Variants in PDS5B observed in about 807,000 individuals in gnomAD.
The protein encoded by PDS5B is PDS5 cohesin associated factor B, also known as sister chromatid cohesion protein PDS5 homolog B.
In PDS5B, 51 loss-of-function variants were observed where a neutral mutation model predicts 184.1. That is an observed-to-expected ratio of 0.28 (90% CI 0.22 to 0.35). The LOEUF (loss-of-function observed/expected upper bound fraction) is 0.35. Among genes scored for constraint, PDS5B ranks in the 10% least tolerant of loss-of-function variants. PDS5B has a pLI of 1.00. For missense variants in PDS5B, 1,180 were observed against 1,723.3 expected (o/e 0.68, Z 5.58); for synonymous variants, 566 against 569.2 (o/e 0.99, Z 0.08).
intron 10 of PDS5B, 62 bp downstream of exon 10, chr13:32,678,991 C>A: frequency 2.3e-6 from 2 of 880,216 alleles, no homozygotes; most frequent in South Asian, 1.6e-5. Context: ...AAATAAGTTT[C>A]ATAGGGGGAA....
intron 31 of PDS5B, 84 bp downstream of exon 31, chr13:32,764,678 A>G: frequency 9.1e-6 from 6 of 655,898 alleles, no homozygotes; most frequent in Non-Finnish European, 1.2e-5. Context: ...TAACATGACT[A>G]TCAAATTTAC....
In PDS5B at chr13:32,651,993, C is replaced by T; in HGVS notation, c.298C>T (p.Pro100Ser). The T allele has an allele frequency of 6.2e-7, 1 of 1,609,974 alleles. No individual in the cohort carries two copies. The highest frequency in any genetic ancestry group is 8.5e-7 in the Non-Finnish European group (1 of 1,176,400). Reference protein sequence around the residue: ...IYAPEAPYTSPDKLKDIFMFI... With the variant: ...IYAPEAPYTSSDKLKDIFMFI... Reference sequence around the variant, plus strand: ...TGCTCCTGAAGCTCCTTACACATCCCCTGATAAACTAAAGGCAAGTACTGA... The same window carrying T: ...TGCTCCTGAAGCTCCTTACACATCCTCTGATAAACTAAAGGCAAGTACTGA... Residue 100 changes from proline (P) to serine (S), a missense_variant, in exon 3 of 35, where the codon CCT (proline) becomes TCT (serine). Coordinates refer to ENST00000315596, the MANE Select transcript of PDS5B (RefSeq NM_015032.4).
At chr13:32,741,709 G>C (rs913141584) in intron 22 of PDS5B, among the ~76,000 whole-genome samples, 3 of 149,830 alleles carry the variant, frequency 2.0e-5, no homozygotes, top group Admixed American at 6.6e-5. Context: ...CTGTGTGTGT[G>C]TGTGTGTGTG....
chr13:32,719,535 A>AC, intron 19 of PDS5B, among the ~76,000 whole-genome samples: 1 of 150,888 alleles, frequency 6.6e-6, no homozygotes, highest in South Asian at 2.1e-4. Context: ...TCTATGTGTT[A>AC]CCCCCCACTC....
chr13:32,685,108 C>T (rs1013318987), intron 11 of PDS5B, among the ~76,000 whole-genome samples: 8 of 152,042 alleles, frequency 5.3e-5, no homozygotes, highest in African/African-American at 1.4e-4. Flanking sequence ...AGTGAGACTC[C>T]GTCTCAAAAA....
At chr13:32,725,295 G>T (rs375353408) in intron 19 of PDS5B, among the ~76,000 whole-genome samples, 1 of 152,166 alleles carries the variant, frequency 6.6e-6, no homozygotes, top group Non-Finnish European at 1.5e-5. Flanking sequence ...ACGCATATTT[G>T]TGTTTCAGTC....
intron 34 of PDS5B, among the ~76,000 whole-genome samples, chr13:32,773,816 T>G (rs1339043347): frequency 1.3e-5 from 2 of 152,198 alleles, no homozygotes; most frequent in Non-Finnish European, 2.9e-5. Context: ...ACTTTTTTGT[T>G]TTTGAGACAG....
At chr13:32,592,405 G>A (rs2057791369) in intron 1 of PDS5B, among the ~76,000 whole-genome samples, 1 of 151,956 alleles carries the variant, frequency 6.6e-6, no homozygotes, top group South Asian at 2.1e-4. Flanking sequence ...ACAGGTGCAC[G>A]CCACCACGTC....
intron 3 of PDS5B, among the ~76,000 whole-genome samples, chr13:32,655,359 C>CATATATATATATATGTGTATATAT (rs1555296312): frequency 2.5e-5 from 1 of 39,614 alleles, no homozygotes; most frequent in Non-Finnish European, 3.9e-5. Context: ...TGTTCTTTGC[C>CATATATATATATATGTGTATATAT]ATATATATAT....
At chr13:32,608,920 G>T (rs1593255736) in intron 1 of PDS5B, among the ~76,000 whole-genome samples, 1 of 152,244 alleles carries the variant, frequency 6.6e-6, no homozygotes, top group East Asian at 1.9e-4. Flanking sequence ...CACAAATGTG[G>T]CTACTGCTTC....
intron 1 of PDS5B, among the ~76,000 whole-genome samples, chr13:32,617,975 A>C (rs2058242830): frequency 6.6e-6 from 1 of 152,202 alleles, no homozygotes; most frequent in Non-Finnish European, 1.5e-5. Flanking sequence ...AGATGAAGGC[A>C]CTAGCAGGTT....
At position 32,773,185 on chromosome 13, in the gene PDS5B, C is replaced by A; in HGVS notation, c.4173-4C>A. On this transcript the variant is annotated splice_region_variant and splice_polypyrimidine_tract_variant and intron_variant, in intron 33 of 34. Coordinates refer to ENST00000315596, the MANE Select transcript of PDS5B (RefSeq NM_015032.4). Reference sequence around the variant, plus strand: ...CATTGTGTTTTACATGTGTTTTACTCTAGCCGTGTAGGACGCTCCAAACAA... The same window carrying A: ...CATTGTGTTTTACATGTGTTTTACTATAGCCGTGTAGGACGCTCCAAACAA... The A allele has an allele frequency of 1.3e-6, 2 of 1,597,984 alleles. No homozygotes were observed. Among genetic ancestry groups the A allele is most frequent in the South Asian group, 1.1e-5 (1 of 87,502 alleles).
rs1954997881 is a variant in PDS5B, at chr13:32,777,804, T to A, written c.*2752T>A. On this transcript the variant is annotated 3_prime_UTR_variant, in exon 35 of 35. Coordinates refer to ENST00000315596, the MANE Select transcript of PDS5B (RefSeq NM_015032.4). ...TTCCAGGTATTAAAGGTTAAATTGC[T>A]TTCTATATCTTCTTATAACTTGTAA... 1 of 152,462 alleles carries A rather than the reference T, an allele frequency of 6.6e-6. No individual in the cohort carries two copies. The highest frequency in any genetic ancestry group is 1.5e-5 in the Non-Finnish European group (1 of 67,872). 9.4% of individuals were successfully genotyped at this position (152,462 alleles called of 1,614,324 possible).
chr13:32,652,216 G>C, intron 3 of PDS5B: 1 of 440,674 alleles, frequency 2.3e-6, no homozygotes, highest in Non-Finnish European at 4.0e-6. Flanking sequence ...GATTAATACA[G>C]TGTGTATTTT....
intron 1 of PDS5B, among the ~76,000 whole-genome samples, chr13:32,592,140 C>A (rs2057785773): frequency 6.6e-6 from 1 of 152,232 alleles, no homozygotes; most frequent in South Asian, 2.1e-4. Context: ...CCACCTTCAA[C>A]TATCATTTCA....
At chr13:32,705,422 C>G (rs576145368) in intron 17 of PDS5B, among the ~76,000 whole-genome samples, 13 of 151,992 alleles carry the variant, frequency 8.6e-5, no homozygotes, top group Admixed American at 2.0e-4. Context: ...TCAGAAATAC[C>G]AACTGTTAAA....
chr13:32,678,543 G>T (rs532315738), intron 9 of PDS5B, among the ~76,000 whole-genome samples: 1 of 152,130 alleles, frequency 6.6e-6, no homozygotes, highest in Admixed American at 6.5e-5. Flanking sequence ...AGAGTATAAC[G>T]TTGATAGGAA....
chr13:32,749,790 A>G (rs1315839054), intron 24 of PDS5B, among the ~76,000 whole-genome samples: 1 of 152,160 alleles, frequency 6.6e-6, no homozygotes, highest in Non-Finnish European at 1.5e-5. Context: ...AATTAATTTT[A>G]TAGTCAGTAG....
chr13:32,767,732 A>G (rs1461689077), intron 31 of PDS5B, among the ~76,000 whole-genome samples: 1 of 152,184 alleles, frequency 6.6e-6, no homozygotes, highest in South Asian at 2.1e-4. Flanking sequence ...AAGAGAGAGA[A>G]GACAGGCCAT....
Sources: allele counts gnomAD v4.1 joint callset (sites outside exome capture counted in the v4.1 genomes callset), GRCh38; gene constraint gnomAD v4.1.1; transcripts MANE v1.5; gene names NCBI Gene and HGNC (gene_info 2026-07-23, HGNC 2026-07-21).